Variants in IL13RA1 observed in about 807,000 individuals in gnomAD.
IL13RA1 encodes the protein interleukin-13 receptor subunit alpha-1.
A neutral mutation model predicts 33.8 loss-of-function variants in IL13RA1; 14 were observed. The observed-to-expected ratio is 0.41, with a 90% CI of 0.27 to 0.65. The LOEUF (loss-of-function observed/expected upper bound fraction) is 0.65, where lower values mean the gene tolerates loss of function less well. Among genes scored for constraint, IL13RA1 ranks in the 30% least tolerant of loss-of-function variants. The pLI is 0.28. For missense variants in IL13RA1, 313 were observed against 327.0 expected, an observed-to-expected ratio of 0.96 and a Z score of 0.33; for synonymous variants, 116 against 115.7, an observed-to-expected ratio of 1.00 and a Z score of -0.02.
At chrX:118,801,202 A>G in the IL13RA1 span, among the ~76,000 whole-genome samples, 1 of 112,865 alleles carries the variant, frequency 8.9e-6, no homozygotes, top group Non-Finnish European at 1.9e-5. Context: ...AGAATGTTGA[A>G]AGCATTATTC....
chrX:118,759,344 A>G (rs1323393552), intron 5 of IL13RA1, among the ~76,000 whole-genome samples: 1 of 112,819 alleles, frequency 8.9e-6, no homozygotes, highest in African/African-American at 3.2e-5. Context: ...CATAAAGCGT[A>G]TTAACACATT....
chrX:118,771,986 TA>T (rs1464598794), intron 8 of IL13RA1, among the ~76,000 whole-genome samples: 2 of 111,630 alleles, frequency 1.8e-5, no homozygotes, highest in African/African-American at 3.3e-5. Context: ...AAAATTAAAT[TA>T]AAAAAAATCA....
intron 2 of IL13RA1, among the ~76,000 whole-genome samples, chrX:118,744,110 C>T (rs1299640588): frequency 9.1e-6 from 1 of 110,420 alleles, no homozygotes; most frequent in Non-Finnish European, 1.9e-5. Flanking sequence ...CATGCCACTG[C>T]ACTCCAGCCT....
chrX:118,783,907 C>A lies in IL13RA1; in HGVS notation c.1191+7396C>A, dbSNP rs185651084. ...CAACCTGGCCAACATGGTGAAACCC[C>A]GTCTACTAAAAATACAAAATTGACC... On this transcript the variant is annotated intron_variant, in intron 10 of 10. Coordinates refer to ENST00000371666, the MANE Select transcript of IL13RA1 (RefSeq NM_001560.3). Among the ~76,000 whole-genome samples, 215 of 101,218 alleles carry A rather than the reference C, an allele frequency of 2.1e-3. 2 individuals carry two copies. Among genetic ancestry groups the A allele is most frequent in the African/African-American group, 7.4e-3 (204 of 27,510 alleles). The allele number at this position is 101,218 out of a possible 115,157, so 87.9% of individuals were successfully genotyped here.
At chrX:118,771,049 G>A (rs5957057) in intron 8 of IL13RA1, among the ~76,000 whole-genome samples, 6,657 of 111,494 alleles carry the variant, frequency 0.06, 511 homozygotes, top group African/African-American at 0.2. Flanking sequence ...GCCTGGTGGC[G>A]GAGGGTTGAC....
intron 2 of IL13RA1, among the ~76,000 whole-genome samples, chrX:118,742,404 G>T (rs1053059372): frequency 8.9e-6 from 1 of 112,014 alleles, no homozygotes; most frequent in African/African-American, 3.2e-5. Context: ...TGGTAATTGA[G>T]CCTTGAGAAA....
At chrX:118,731,469 C>T (rs767716875) in intron 1 of IL13RA1, among the ~76,000 whole-genome samples, 2 of 109,288 alleles carry the variant, frequency 1.8e-5, no homozygotes, top group African/African-American at 3.3e-5. Context: ...CCCAACTACT[C>T]GGAAGGCTGA....
intron 6 of IL13RA1, among the ~76,000 whole-genome samples, chrX:118,765,510 A>G (rs140405471): frequency 4.3e-4 from 48 of 111,863 alleles, no homozygotes; most frequent in African/African-American, 1.5e-3. Context: ...GCACGTTCTC[A>G]CTACATTCAT....
intron 2 of IL13RA1, among the ~76,000 whole-genome samples, chrX:118,742,204 T>C (rs1198889969): frequency 1.8e-5 from 2 of 112,208 alleles, no homozygotes; most frequent in African/African-American, 3.2e-5. Flanking sequence ...GTGTTACTTA[T>C]GGTTTAGGCG....
chrX:118,773,351 T>C (rs2017745749), intron 8 of IL13RA1, among the ~76,000 whole-genome samples: 2 of 110,997 alleles, frequency 1.8e-5, no homozygotes, highest in South Asian at 7.6e-4. Context: ...ATTAACTCGG[T>C]GTGGTGGTGT....
At chrX:118,790,509 G>A in intron 10 of IL13RA1, among the ~76,000 whole-genome samples, 1 of 111,748 alleles carries the variant, frequency 8.9e-6, no homozygotes, top group East Asian at 2.8e-4. Context: ...CTGGGAGTGG[G>A]ATTTCTGGGT....
At chrX:118,753,312 A>T (rs1000313077) in intron 4 of IL13RA1, among the ~76,000 whole-genome samples, 2 of 112,473 alleles carry the variant, frequency 1.8e-5, no homozygotes, top group Non-Finnish European at 3.8e-5. Flanking sequence ...ATGAATTACA[A>T]AAAAACCTGG....
intron 10 of IL13RA1, among the ~76,000 whole-genome samples, chrX:118,784,967 C>T (rs779858468): frequency 6.4e-5 from 7 of 110,170 alleles, no homozygotes; most frequent in African/African-American, 9.9e-5. Context: ...TATGTGTTGG[C>T]GTTGTGATTT....
intron 9 of IL13RA1, among the ~76,000 whole-genome samples, chrX:118,774,613 T>A (rs1178695668): frequency 2.7e-5 from 3 of 112,593 alleles, no homozygotes; most frequent in South Asian, 3.6e-4. Context: ...GTTCTTAGAA[T>A]GAAGTTTTAG....
chrX:118,771,113 T>G (rs186106219), intron 8 of IL13RA1, among the ~76,000 whole-genome samples: 98 of 111,978 alleles, frequency 8.8e-4, no homozygotes, highest in Non-Finnish European at 1.6e-3. Flanking sequence ...GATGCTGAGA[T>G]GCCATGTTAG....
intron 10 of IL13RA1, among the ~76,000 whole-genome samples, chrX:118,783,649 T>C (rs57140191): frequency 1.4e-4 from 15 of 109,896 alleles, no homozygotes; most frequent in Non-Finnish European, 5.7e-5. Flanking sequence ...AATTGCTTTT[T>C]TCTTGTCCAG....
At chrX:118,801,874 G>GA in the IL13RA1 span, among the ~76,000 whole-genome samples, 1 of 111,998 alleles carries the variant, frequency 8.9e-6, no homozygotes, top group African/African-American at 3.2e-5. Context: ...ACTGTTTTTA[G>GA]AAAAAAATTC....
At chrX:118,738,823 T>C (rs901076341) in intron 1 of IL13RA1, among the ~76,000 whole-genome samples, 40 of 98,386 alleles carry the variant, frequency 4.1e-4, no homozygotes, top group Non-Finnish European at 8.2e-5. Context: ...AGTCTTGCTC[T>C]GTTGCCCAGG....
chrX:118,765,446 A>G (rs917077679), intron 6 of IL13RA1, among the ~76,000 whole-genome samples: 5 of 110,192 alleles, frequency 4.5e-5, no homozygotes, highest in Non-Finnish European at 9.5e-5. Context: ...CCTTTTTTTC[A>G]CTCAACATTA....
Sources: gnomAD v4.1 joint callset for allele counts (sites outside exome capture counted in the v4.1 genomes callset) on GRCh38, gnomAD v4.1.1 for gene constraint, MANE v1.5 for transcripts, NCBI Gene and HGNC (gene_info 2026-07-23, HGNC 2026-07-21) for gene names.